Variants in NFIA observed in about 807,000 individuals in gnomAD.
NFIA encodes the protein nuclear factor I A.
In NFIA, 8 loss-of-function variants were observed where a neutral mutation model predicts 62.8. The ratio of observed to expected loss-of-function variants is 0.13; its 90% CI spans 0.07 to 0.23. The LOEUF is 0.23. Ranked by LOEUF, NFIA falls within the 10% of genes least tolerant of loss-of-function variation. NFIA has a pLI of 1.00. For missense variants in NFIA, 410 were observed against 642.1 expected (o/e 0.64, Z 3.91); for synonymous variants, 235 against 238.1 (o/e 0.99, Z 0.12).
chr1:61,377,227 AAAAG>A (rs983747409), intron 6 of NFIA, among the ~76,000 whole-genome samples: 4 of 152,084 alleles, frequency 2.6e-5, no homozygotes, highest in African/African-American at 4.8e-5. Context: ...CATCTCAAAA[AAAAG>A]AAAGAAAGAG....
chr1:61,194,020 G>A (rs1651826292), intron 2 of NFIA, among the ~76,000 whole-genome samples: 1 of 152,152 alleles, frequency 6.6e-6, no homozygotes, highest in African/African-American at 2.4e-5. Context: ...GTACAGAGAG[G>A]AACAGCATTA....
intron 3 of NFIA, among the ~76,000 whole-genome samples, chr1:61,307,903 AGTT>A (rs896949961): frequency 2.0e-4 from 31 of 152,128 alleles, no homozygotes; most frequent in African/African-American, 2.9e-4. Flanking sequence ...TATAAATGTC[AGTT>A]GTTGTTGTTG....
chr1:61,203,863 A>C (rs6695564), intron 2 of NFIA, among the ~76,000 whole-genome samples: 33,406 of 152,054 alleles, frequency 0.22, 3,880 homozygotes, highest in South Asian at 0.38. Flanking sequence ...ATAAAGATAC[A>C]TTGAGGGAAC....
chr1:61,086,688 ATGAT>A (rs1476353594), intron 1 of NFIA, among the ~76,000 whole-genome samples: 3 of 152,192 alleles, frequency 2.0e-5, no homozygotes, highest in South Asian at 4.1e-4. Context: ...GAGTGTTTAA[ATGAT>A]TGATTATAAT....
At chr1:61,132,199 G>A (rs536667158) in intron 2 of NFIA, among the ~76,000 whole-genome samples, 4 of 152,118 alleles carry the variant, frequency 2.6e-5, no homozygotes. Context: ...CCTCAGAAAA[G>A]TTATCTGAGA....
upstream of NFIA, among the ~76,000 whole-genome samples, chr1:61,079,228 A>G (rs543783718): frequency 5.9e-5 from 9 of 152,344 alleles, no homozygotes; most frequent in Non-Finnish European, 1.0e-4. Flanking sequence ...AATGCCAGTT[A>G]ATAAAGTTAG....
chr1:61,279,126 G>T (rs1443679066), intron 3 of NFIA, among the ~76,000 whole-genome samples: 2 of 151,894 alleles, frequency 1.3e-5, no homozygotes, highest in East Asian at 3.9e-4. Context: ...TCCTTTTGTT[G>T]TTCTGTACAT....
chr1:61,213,337 G>A (rs1653386348), intron 2 of NFIA, among the ~76,000 whole-genome samples: 1 of 152,132 alleles, frequency 6.6e-6, no homozygotes, highest in Non-Finnish European at 1.5e-5. Context: ...TATAGATGAC[G>A]TGTGAATGTT....
rs1373419759 is a variant in NFIA, at chr1:61,165,791, T to C, written c.559+77111T>C. On this transcript the variant is annotated intron_variant, in intron 2 of 10. Transcript: ENST00000403491. Reference sequence around the variant, plus strand: ...CTGAAGGGTTACTCCTCAATATTACTATGATAAGTTTAGGGTCTGTGAGTT... The same window carrying C: ...CTGAAGGGTTACTCCTCAATATTACCATGATAAGTTTAGGGTCTGTGAGTT... 2.6e-5 allele frequency among the ~76,000 whole-genome samples: 4 copies of C among 152,206 alleles called. No homozygotes were observed. In the East Asian group the frequency reaches 7.7e-4, roughly 29 times the overall value.
chr1:61,389,744 GT>G (rs10669787), intron 7 of NFIA, among the ~76,000 whole-genome samples: 67 of 148,652 alleles, frequency 4.5e-4, no homozygotes, highest in Middle Eastern at 3.5e-3. Flanking sequence ...ATCACACTGA[GT>G]TTTTTTTTTT....
At chr1:61,385,361 G>A (rs182012204) in intron 7 of NFIA, among the ~76,000 whole-genome samples, 1 of 152,336 alleles carries the variant, frequency 6.6e-6, no homozygotes, top group African/African-American at 2.4e-5. Context: ...TAAGAACTGA[G>A]AAGAACAGTA....
chr1:61,183,608 T>C (rs894889519), intron 2 of NFIA, among the ~76,000 whole-genome samples: 14 of 152,228 alleles, frequency 9.2e-5, no homozygotes, highest in African/African-American at 3.4e-4. Context: ...TGGCACTTGC[T>C]CCTTTGGCCC....
chr1:61,398,467 C>CT (rs1429227580), intron 7 of NFIA, among the ~76,000 whole-genome samples: 2 of 152,164 alleles, frequency 1.3e-5, no homozygotes, highest in Non-Finnish European at 2.9e-5. Flanking sequence ...GGAATAGACT[C>CT]TATCAACCAT....
At chr1:61,437,375 G>GA (rs1557438320) in intron 10 of NFIA, among the ~76,000 whole-genome samples, 1 of 152,076 alleles carries the variant, frequency 6.6e-6, no homozygotes, top group Non-Finnish European at 1.5e-5. Context: ...GGTACACAGA[G>GA]AAACCCTGGA....
At chr1:61,078,565 A>G (rs1248801100), upstream of NFIA, among the ~76,000 whole-genome samples, 1 of 152,224 alleles carries the variant, frequency 6.6e-6, no homozygotes, top group Non-Finnish European at 1.5e-5. Flanking sequence ...TGGCATTTCA[A>G]GTACTTTGAA....
Position 61,381,279 on chromosome 1 carries a change from A to C in NFIA, c.947-1958A>C, listed in dbSNP as rs545340190. 3.3e-4 allele frequency among the ~76,000 whole-genome samples: 50 copies of C among 152,206 alleles called. 2 individuals carry two copies. The South Asian group carries it at 6.6e-3, about 20-fold the overall frequency. On this transcript the variant is annotated intron_variant, in intron 6 of 10. Transcript: ENST00000403491. The stretch of plus-strand genomic sequence containing the variant: ...TAAATGAGTTGGGAGATTTGTTTAC[A>C]TTTTGCTAGCTTTTTATTTCTTTCA...
chr1:61,306,269 C>CATTTTTTTTTTTTTTT (rs1659786349), intron 3 of NFIA, among the ~76,000 whole-genome samples: 1 of 60,614 alleles, frequency 1.6e-5, no homozygotes, highest in Non-Finnish European at 2.7e-5. Context: ...AGATTTTGTT[C>CATTTTTTTTTTTTTTT]TTTTTTTTTT....
intron 2 of NFIA, among the ~76,000 whole-genome samples, chr1:61,185,949 G>T (rs1455348606): frequency 6.6e-6 from 1 of 152,046 alleles, no homozygotes; most frequent in Non-Finnish European, 1.5e-5. Flanking sequence ...TATGATGTCA[G>T]TCCCACAAGG....
At chr1:61,107,706 G>T (rs930379992) in intron 2 of NFIA, among the ~76,000 whole-genome samples, 1 of 151,372 alleles carries the variant, frequency 6.6e-6, no homozygotes, top group Admixed American at 6.6e-5. Context: ...TTATCACATG[G>T]TTATTGCTTT....
Sources: allele counts gnomAD v4.1 joint callset (sites outside exome capture counted in the v4.1 genomes callset), GRCh38; gene constraint gnomAD v4.1.1; transcripts MANE v1.5; gene names NCBI Gene and HGNC (gene_info 2026-07-23, HGNC 2026-07-21).